Variants in CEP15 observed in about 807,000 individuals in gnomAD.
CEP15 encodes the protein centrosomal protein 15 kDa.
the CEP15 span, chr3:62,324,026 G>A: frequency 0.47 from 71,486 of 151,786 alleles, 17,281 homozygotes; most frequent in African/African-American, 0.57. Context: ...TACTTTCCTC[G>A]TATGTTTTTA....
At chr3:62,321,359 G>A in the CEP15 span, among the ~76,000 whole-genome samples, 3 of 152,166 alleles carry the variant, frequency 2.0e-5, no homozygotes, top group African/African-American at 7.2e-5. The surrounding 1 kb of genome is among the most constrained non-coding windows in gnomAD (Gnocchi z 4.1). Context: ...TTGTGAGTAT[G>A]CATACATACA....
At chr3:62,333,907 C>CAGAT in the CEP15 span, 1 of 151,998 alleles carries the variant, frequency 6.6e-6, no homozygotes, top group Middle Eastern at 3.2e-3. The surrounding 1 kb of genome is among the most constrained non-coding windows in gnomAD (Gnocchi z 4.0). Flanking sequence ...TTGTCCCTCA[C>CAGAT]AGATAGCCAA....
the CEP15 span, among the ~76,000 whole-genome samples, chr3:62,327,489 A>AGGCTAATGGCTATCATATGAGCAGT: frequency 0.33 from 50,064 of 149,688 alleles, 9,004 homozygotes; most frequent in African/African-American, 0.48. Flanking sequence ...TAGCCACATG[A>AGGCTAATGGCTATCATATGAGCAGT]GAAGTTCTAG....
the CEP15 span, chr3:62,323,821 T>C: frequency 6.6e-5 from 10 of 152,202 alleles, no homozygotes; most frequent in Non-Finnish European, 4.4e-5. Flanking sequence ...AAGTGTAAAG[T>C]AGACGAAATA....
At chr3:62,331,437 C>T in the CEP15 span, 3 of 1,494,182 alleles carry the variant, frequency 2.0e-6, no homozygotes, top group African/African-American at 1.4e-5. Context: ...AAGAGAGACC[C>T]TATCTATCTA....
the CEP15 span, chr3:62,321,996 G>C: frequency 1.2e-6 from 2 of 1,609,974 alleles, no homozygotes; most frequent in South Asian, 1.1e-5. The surrounding 1 kb of genome is among the most constrained non-coding windows in gnomAD (Gnocchi z 4.1). Flanking sequence ...ACACAGAAAA[G>C]GCATCTCAAC....
chr3:62,328,759 A>G, the CEP15 span, among the ~76,000 whole-genome samples: 1 of 147,554 alleles, frequency 6.8e-6, no homozygotes, highest in Non-Finnish European at 1.5e-5. Flanking sequence ...CATGCCCTGC[A>G]CTTTGTTAGA....
At chr3:62,323,490 A>G in the CEP15 span, among the ~76,000 whole-genome samples, 1 of 152,218 alleles carries the variant, frequency 6.6e-6, no homozygotes, top group Non-Finnish European at 1.5e-5. Flanking sequence ...ACAAGGTTGG[A>G]TATGTGTTAT....
At chr3:62,321,793 C>G in the CEP15 span, 1 of 607,088 alleles carries the variant, frequency 1.6e-6, no homozygotes, top group Non-Finnish European at 2.8e-6. This position sits in a 1 kb window ranked among gnomAD's most constrained non-coding sequence, Gnocchi z 4.1. Context: ...TCTTATTAGT[C>G]GACATAGTAA....
At chr3:62,333,494 G>A in the CEP15 span, 8 of 1,253,204 alleles carry the variant, frequency 6.4e-6, no homozygotes, top group African/African-American at 4.5e-5. The surrounding 1 kb of genome is among the most constrained non-coding windows in gnomAD (Gnocchi z 4.0). Flanking sequence ...CATATTCTTC[G>A]ATTATCTCCT....
At chr3:62,321,021 C>T in the CEP15 span, among the ~76,000 whole-genome samples, 377 of 152,218 alleles carry the variant, frequency 2.5e-3, 2 homozygotes, top group African/African-American at 8.7e-3. This position sits in a 1 kb window ranked among gnomAD's most constrained non-coding sequence, Gnocchi z 4.1. Flanking sequence ...AATTACCAGA[C>T]GTTCTTTCCT....
the CEP15 span, among the ~76,000 whole-genome samples, chr3:62,326,103 C>T: frequency 5.3e-5 from 8 of 151,748 alleles, no homozygotes; most frequent in South Asian, 2.1e-4. Flanking sequence ...ACAAACACTC[C>T]GGGGTGAGAA....
At chr3:62,321,765 A>C in the CEP15 span, among the ~76,000 whole-genome samples, 1 of 152,186 alleles carries the variant, frequency 6.6e-6, no homozygotes, top group South Asian at 2.1e-4. This position sits in a 1 kb window ranked among gnomAD's most constrained non-coding sequence, Gnocchi z 4.1. Context: ...TTATTGAACT[A>C]CCTCAGATTT....
At chr3:62,320,550 A>C in the CEP15 span, 1 of 1,571,340 alleles carries the variant, frequency 6.4e-7, no homozygotes, top group African/African-American at 1.3e-5. Context: ...GGGATGATTC[A>C]GATATAGAAA....
the CEP15 span, chr3:62,321,841 A>G: frequency 1.0e-6 from 1 of 978,160 alleles, no homozygotes; most frequent in Non-Finnish European, 1.5e-6. The surrounding 1 kb of genome is among the most constrained non-coding windows in gnomAD (Gnocchi z 4.1). Flanking sequence ...AGTGAGGTGC[A>G]ATTAAGAAAT....
the CEP15 span, chr3:62,321,910 A>G: frequency 6.4e-7 from 1 of 1,556,060 alleles, no homozygotes; most frequent in Non-Finnish European, 8.7e-7. This position sits in a 1 kb window ranked among gnomAD's most constrained non-coding sequence, Gnocchi z 4.1. Context: ...AACTCTATAT[A>G]ATCTTCGTTT....
chr3:62,333,075 A>AT, the CEP15 span, among the ~76,000 whole-genome samples: 2 of 152,072 alleles, frequency 1.3e-5, no homozygotes, highest in Non-Finnish European at 2.9e-5. This position sits in a 1 kb window ranked among gnomAD's most constrained non-coding sequence, Gnocchi z 4.0. Context: ...AAGTAGCCAG[A>AT]TTTTTTTCTA....
the CEP15 span, chr3:62,333,279 G>A: frequency 1.2e-6 from 2 of 1,610,232 alleles, no homozygotes; most frequent in Non-Finnish European, 1.7e-6. The surrounding 1 kb of genome is among the most constrained non-coding windows in gnomAD (Gnocchi z 4.0). Flanking sequence ...ATCAGTAGAA[G>A]AATATATTCC....
chr3:62,332,396 G>T, the CEP15 span, among the ~76,000 whole-genome samples: 1 of 152,094 alleles, frequency 6.6e-6, no homozygotes, highest in Non-Finnish European at 1.5e-5. Context: ...AATGCTTGGA[G>T]TGAATATTTT....
Sources: allele counts gnomAD v4.1 joint callset (sites outside exome capture counted in the v4.1 genomes callset), GRCh38; gene constraint gnomAD v4.1.1; non-coding constraint Gnocchi (gnomAD v3.1); transcripts MANE v1.5; gene names NCBI Gene and HGNC (gene_info 2026-07-23, HGNC 2026-07-21).